The following RFX7 variants were observed in gnomAD, a reference collection of about 807,000 sequenced individuals.
RFX7 encodes the protein regulatory factor X7.
In RFX7, 26 loss-of-function variants were observed where a neutral mutation model predicts 111.8. That is an observed-to-expected ratio of 0.23 (90% CI 0.17 to 0.32). The LOEUF (loss-of-function observed/expected upper bound fraction) is 0.32. Ranked by LOEUF, RFX7 falls within the 10% of genes least tolerant of loss-of-function variation. The pLI is 1.00. For missense variants in RFX7, 1,573 were observed against 1,772.9 expected, an observed-to-expected ratio of 0.89 and a Z score of 2.02; for synonymous variants, 624 against 624.4, an observed-to-expected ratio of 1.00 and a Z score of 0.01.
At chr15:56,240,492 A>G (rs2465405) in intron 2 of RFX7, among the ~76,000 whole-genome samples, 108,418 of 152,036 alleles carry the variant, frequency 0.71, 39,628 homozygotes, top group East Asian at 0.9. Context: ...TTATCAAACC[A>G]TATTTCAGTT....
At chr15:56,120,837 T>C (rs915185242) in intron 5 of RFX7, among the ~76,000 whole-genome samples, 6 of 152,214 alleles carry the variant, frequency 3.9e-5, no homozygotes, top group African/African-American at 1.4e-4. Flanking sequence ...TAACAAATTA[T>C]TGGATTGCAT....
chr15:56,096,446 G>C lies in RFX7; in HGVS notation c.1282C>G (p.Arg428Gly). Residue 428 changes from arginine (R) to glycine (G), a missense_variant, in exon 10 of 10, where the codon CGT becomes GGT. Arg to Gly is a moderately radical substitution (Grantham distance 125). Coordinates refer to ENST00000559447, the MANE Select transcript of RFX7 (RefSeq NM_022841.7). ...SPGGDRSARH[R>G]YPQILPKPAN... ...GGTTTGGGTAAGATCTGAGGGTAACGGTGCCGGGCAGAACGATCCCCACCA... is the reference window on the plus strand; with the variant it reads ...GGTTTGGGTAAGATCTGAGGGTAACCGTGCCGGGCAGAACGATCCCCACCA... 6.2e-7 allele frequency: 1 copy of C among 1,613,202 alleles called. No individual in the cohort carries two copies. Among genetic ancestry groups the C allele is most frequent in the Non-Finnish European group, 8.5e-7 (1 of 1,179,548 alleles).
chr15:56,109,171 G>C (rs374441607), intron 5 of RFX7, among the ~76,000 whole-genome samples: 10,040 of 152,224 alleles, frequency 0.066, 450 homozygotes, highest in Admixed American at 0.11. Flanking sequence ...TCAGCCTGCC[G>C]AGTGCCTGCG....
At chr15:56,109,511 T>C (rs1353085323) in intron 5 of RFX7, among the ~76,000 whole-genome samples, 1 of 151,730 alleles carries the variant, frequency 6.6e-6, no homozygotes, top group Non-Finnish European at 1.5e-5. Context: ...CCGCCCATCG[T>C]CTGGGATGTG....
intron 2 of RFX7, among the ~76,000 whole-genome samples, chr15:56,224,467 T>TG (rs111880963): frequency 1.3e-4 from 19 of 147,310 alleles, no homozygotes; most frequent in East Asian, 8.1e-4. Context: ...GATTAGGATT[T>TG]TGTGTGTGTG....
At chr15:56,140,049 G>A (rs2042366336) in intron 5 of RFX7, among the ~76,000 whole-genome samples, 1 of 152,108 alleles carries the variant, frequency 6.6e-6, no homozygotes, top group African/African-American at 2.4e-5. Flanking sequence ...TAAGTCTGCA[G>A]AGGTTACTGC....
chr15:56,229,030 A>G (rs2043518395), intron 2 of RFX7, among the ~76,000 whole-genome samples: 1 of 152,260 alleles, frequency 6.6e-6, no homozygotes, highest in African/African-American at 2.4e-5. Flanking sequence ...AACTGTGATG[A>G]CTATCAAGTG....
intron 3 of RFX7, among the ~76,000 whole-genome samples, chr15:56,165,632 G>A (rs117144599): frequency 0.013 from 1,906 of 152,282 alleles, 16 homozygotes; most frequent in Non-Finnish European, 0.021. Context: ...TTTTGACCAG[G>A]TGAGTTTACT....
chr15:56,126,603 A>C (rs899352102), intron 5 of RFX7, among the ~76,000 whole-genome samples: 2 of 152,234 alleles, frequency 1.3e-5, no homozygotes, highest in Non-Finnish European at 2.9e-5. Context: ...TCTCCAGTTA[A>C]AAGGCAGGGT....
chr15:56,120,678 T>C (rs1259492296), intron 5 of RFX7, among the ~76,000 whole-genome samples: 1 of 152,182 alleles, frequency 6.6e-6, no homozygotes, highest in Non-Finnish European at 1.5e-5. Context: ...TGCCCAGTTT[T>C]TTGAGGGTTT....
chr15:56,132,997 C>T (rs2042239269), intron 5 of RFX7, among the ~76,000 whole-genome samples: 1 of 151,952 alleles, frequency 6.6e-6, no homozygotes, highest in Non-Finnish European at 1.5e-5. Context: ...TTAAAGAAGG[C>T]ATTAGAAAAA....
intron 2 of RFX7, among the ~76,000 whole-genome samples, chr15:56,242,880 C>T (rs1473626998): frequency 6.6e-6 from 1 of 152,152 alleles, no homozygotes; most frequent in East Asian, 1.9e-4. Context: ...AACCAAAAAA[C>T]TTGTTTATCT....
intron 2 of RFX7, among the ~76,000 whole-genome samples, chr15:56,232,209 A>G (rs1480764239): frequency 6.6e-6 from 1 of 152,178 alleles, no homozygotes; most frequent in Non-Finnish European, 1.5e-5. Context: ...TAGGGGCTTC[A>G]ACCCCACATT....
intron 5 of RFX7, among the ~76,000 whole-genome samples, chr15:56,115,965 C>T (rs1026967468): frequency 6.6e-6 from 1 of 151,582 alleles, no homozygotes; most frequent in South Asian, 2.1e-4. Flanking sequence ...AAAAATTTAA[C>T]TGCATATAAA....
intron 5 of RFX7, among the ~76,000 whole-genome samples, chr15:56,130,739 G>C (rs2042201026): frequency 6.6e-6 from 1 of 150,768 alleles, no homozygotes; most frequent in Non-Finnish European, 1.5e-5. Context: ...GTCTAAAAAA[G>C]AAAAATCTAA....
At chr15:56,133,584 A>C (rs1273323816) in intron 5 of RFX7, among the ~76,000 whole-genome samples, 1 of 152,100 alleles carries the variant, frequency 6.6e-6, no homozygotes, top group African/African-American at 2.4e-5. Context: ...TAGGCACTCT[A>C]AACAGGATAA....
intron 2 of RFX7, among the ~76,000 whole-genome samples, chr15:56,207,150 C>G: frequency 6.6e-6 from 1 of 151,970 alleles, no homozygotes; most frequent in East Asian, 1.9e-4. Context: ...ATAACTATGT[C>G]AAATTAAAAA....
intron 5 of RFX7, among the ~76,000 whole-genome samples, chr15:56,116,511 G>A (rs2042010496): frequency 6.6e-6 from 1 of 152,158 alleles, no homozygotes; most frequent in Non-Finnish European, 1.5e-5. Flanking sequence ...TAAACAGTAT[G>A]ACATTCTTAT....
chr15:56,235,702 T>A (rs1297975712), intron 2 of RFX7, among the ~76,000 whole-genome samples: 3 of 152,198 alleles, frequency 2.0e-5, no homozygotes, highest in Non-Finnish European at 2.9e-5. Flanking sequence ...GGCATGTGTA[T>A]CATTACTTCT....
Sources: allele counts gnomAD v4.1 joint callset (sites outside exome capture counted in the v4.1 genomes callset), GRCh38; gene constraint gnomAD v4.1.1; transcripts MANE v1.5; gene names NCBI Gene and HGNC (gene_info 2026-07-23, HGNC 2026-07-21).